The following MYOM2 variants were observed in gnomAD, a reference collection of about 807,000 sequenced individuals.
MYOM2 encodes myomesin-2.
In MYOM2, 254 loss-of-function variants were observed where a neutral mutation model predicts 187.6. The ratio of observed to expected loss-of-function variants is 1.35; its 90% CI spans 1.22 to 1.50. The LOEUF (loss-of-function observed/expected upper bound fraction) is 1.50, where lower values mean the gene tolerates loss of function less well. MYOM2 is among the 40% of genes most tolerant of loss of function. MYOM2 has a pLI of 0.00. For missense variants in MYOM2, 2,796 were observed against 1,924.0 expected (o/e 1.45, Z -8.48); for synonymous variants, 981 against 753.8 (o/e 1.30, Z -4.94).
intron 14 of MYOM2, among the ~76,000 whole-genome samples, chr8:2,086,197 T>C (rs1432387415): frequency 5.9e-5 from 2 of 33,706 alleles, no homozygotes; most frequent in African/African-American, 1.3e-4. Context: ...TCATGATCTC[T>C]GCGTGGCCCC....
intron 1 of MYOM2, among the ~76,000 whole-genome samples, chr8:2,046,116 T>C (rs973956181): frequency 6.6e-6 from 1 of 152,236 alleles, no homozygotes; most frequent in African/African-American, 2.4e-5. Flanking sequence ...CTTTCCCCTC[T>C]AGAAAGCTTT....
rs1286855649 is a variant in MYOM2, at chr8:2,086,413, C to T, written c.1644+1023C>T. On this transcript the variant is annotated intron_variant, in intron 14 of 36. Coordinates refer to ENST00000262113, the MANE Select transcript of MYOM2 (RefSeq NM_003970.4). ...CCCACTGTTGTGATCTCTGCGTGGC[C>T]TCCCACTGTTGTGATCTCTGCGTGG... Among the ~76,000 whole-genome samples the T allele has an allele frequency of 2.2e-3, 198 of 91,120 alleles. 37 individuals are homozygous for T. Among genetic ancestry groups the T allele is most frequent in the African/African-American group, 6.5e-3 (106 of 16,212 alleles). The allele number at this position is 91,120 out of a possible 152,430, so 59.8% of individuals were successfully genotyped here.
chr8:2,074,434 A>G (rs538038084), intron 10 of MYOM2, among the ~76,000 whole-genome samples: 96 of 151,996 alleles, frequency 6.3e-4, no homozygotes, highest in African/African-American at 2.2e-3. Flanking sequence ...GAAGGGGCCC[A>G]CCTACTCCCA....
chr8:2,104,172 G>A (rs2116792995), intron 21 of MYOM2, among the ~76,000 whole-genome samples: 1 of 152,232 alleles, frequency 6.6e-6, no homozygotes, highest in East Asian at 1.9e-4. Flanking sequence ...TAATTTTCTT[G>A]ATTTCAACGA....
At chr8:2,126,317 A>T (rs1366493018) in intron 31 of MYOM2, among the ~76,000 whole-genome samples, 1 of 152,118 alleles carries the variant, frequency 6.6e-6, no homozygotes, top group Non-Finnish European at 1.5e-5. Flanking sequence ...TCTCCCTGAC[A>T]TATCAGAATG....
rs188039061 is a variant in MYOM2, at chr8:2,145,345, G to T, written c.*364G>T. ...GTGAAGCCACCGTGCTTCTCTTTGG[G>T]GGGCCGCGAGATCTAGCATCTCTGA... is the stretch of plus-strand genomic sequence containing the variant. On this transcript the variant is annotated 3_prime_UTR_variant, in exon 37 of 37. Transcript: ENST00000262113. 250 of 325,498 alleles carry T rather than the reference G, an allele frequency of 7.7e-4. 2 individuals are homozygous for T. The highest frequency in any genetic ancestry group is 1.0e-3 in the Non-Finnish European group (187 of 180,666). The allele number at this position is 325,498 out of a possible 1,614,324, so 20.2% of individuals were successfully genotyped here.
intron 8 of MYOM2, among the ~76,000 whole-genome samples, chr8:2,071,031 G>A (rs1001787850): frequency 2.6e-5 from 4 of 152,034 alleles, no homozygotes; most frequent in Non-Finnish European, 5.9e-5. Context: ...GCAGTGGTGC[G>A]ATCTTGGCTC....
chr8:2,052,326 C>A lies in MYOM2; in HGVS notation c.263+13C>A. 1.0e-5 allele frequency: 16 copies of A among 1,587,506 alleles called. No homozygotes were observed. Among genetic ancestry groups the A allele is most frequent in the Non-Finnish European group, 1.4e-5 (16 of 1,165,854 alleles). ...AGAACAGAAGCAGGTGAGCACATGGCTTCCCTGACTCCACTTGTGCCCTGC... is the reference window on the plus strand; with the variant it reads ...AGAACAGAAGCAGGTGAGCACATGGATTCCCTGACTCCACTTGTGCCCTGC... On this transcript the variant is annotated intron_variant, in intron 3 of 36. Transcript: ENST00000262113.
intron 19 of MYOM2, among the ~76,000 whole-genome samples, chr8:2,100,117 C>CTTCCTTCT (rs1585905516): frequency 2.3e-3 from 212 of 90,800 alleles, no homozygotes; most frequent in Admixed American, 5.3e-3. Flanking sequence ...TCTTTCTTTC[C>CTTCCTTCT]TTCCTTCCTT....
At position 2,106,222 on chromosome 8, in the gene MYOM2, T is replaced by C. The variant is rs12677887; in HGVS notation, c.2735-20T>C. ...AACACCGTGTCCCTAAGCCGCTCAC[T>C]TCATACTCTTCTTATGCAGGCACCA... On this transcript the variant is annotated intron_variant, in intron 21 of 36. Coordinates refer to ENST00000262113, the MANE Select transcript of MYOM2 (RefSeq NM_003970.4). The C allele has an allele frequency of 0.38, 613,645 of 1,612,894 alleles. 125,260 individuals are homozygous for C. Among genetic ancestry groups the C allele is most frequent in the African/African-American group, 0.68 (51,322 of 74,928 alleles).
At chr8:2,084,170 C>A (rs1343969019) in intron 13 of MYOM2, among the ~76,000 whole-genome samples, 12 of 152,302 alleles carry the variant, frequency 7.9e-5, no homozygotes, top group African/African-American at 2.9e-4. Context: ...GGACACGGTG[C>A]ACGGGTGGAG....
At chr8:2,109,912 C>A (rs895174950) in intron 25 of MYOM2, among the ~76,000 whole-genome samples, 2 of 152,128 alleles carry the variant, frequency 1.3e-5, no homozygotes, top group Non-Finnish European at 2.9e-5. Context: ...CCTGCATTCT[C>A]CCCCCACTGA....
Position 2,106,349 on chromosome 8 carries a change from G to T in MYOM2, c.2842G>T (p.Glu948Ter), listed in dbSNP as rs757537628. The T allele has an allele frequency of 6.2e-7, 1 of 1,614,142 alleles. No individual in the cohort carries two copies. The highest frequency in any genetic ancestry group is 1.1e-5 in the South Asian group (1 of 91,060). The change falls in exon 22 of 37, where the codon GAG becomes TAG. Residue 948 changes from glutamate (E) to a stop codon, truncating the protein, a stop_gained. Coordinates refer to ENST00000262113, the MANE Select transcript of MYOM2 (RefSeq NM_003970.4). LOFTEE classifies it high-confidence loss of function. ...ASQFTWCKSY[E>*]EISDDERFKI... is the part of the protein sequence containing the mutation. The stretch of plus-strand genomic sequence containing the variant: ...TCAGTTCACCTGGTGTAAATCCTAC[G>T]AGGAGATTTCAGATGATGAGAGGTT...
chr8:2,114,319 T>C (rs987118720), intron 25 of MYOM2, among the ~76,000 whole-genome samples: 5 of 152,168 alleles, frequency 3.3e-5, no homozygotes, highest in African/African-American at 1.2e-4. Context: ...CTAGAAATCA[T>C]GAAGTGATGC....
Position 2,140,785 on chromosome 8 carries a change from T to C in MYOM2, c.3863T>C (p.Leu1288Pro), listed in dbSNP as rs1319345725. The change falls in exon 33 of 37, where the codon CTG becomes CCG. Residue 1288 changes from leucine to proline, a missense_variant. Physicochemically the swap from Leu to Pro is moderately conservative, Grantham distance 98 (BLOSUM62 -3). Transcript: ENST00000262113. ...GGGGGGAGTGAAGAGATGGCTTGGC[T>C]GCAGATATGTGAGCCGACTGAGAAG... is the stretch of plus-strand genomic sequence containing the variant. ...RIGGSEEMAW[L>P]QICEPTEKDK... is the part of the protein sequence containing the mutation. The C allele has an allele frequency of 6.2e-7, 1 of 1,614,166 alleles. No individual in the cohort carries two copies. The highest frequency in any genetic ancestry group is 8.5e-7 in the Non-Finnish European group (1 of 1,179,998).
At chr8:2,135,521 C>T (rs55806773) in intron 32 of MYOM2, among the ~76,000 whole-genome samples, 24,268 of 152,114 alleles carry the variant, frequency 0.16, 2,267 homozygotes, top group Middle Eastern at 0.23. Flanking sequence ...CACCTGCCCC[C>T]GCCCCTTACC....
intron 21 of MYOM2, 23 bp from the exon 22 acceptor site, chr8:2,106,219 C>T (rs946051395): frequency 6.2e-7 from 1 of 1,611,172 alleles, no homozygotes; most frequent in African/African-American, 1.3e-5. Flanking sequence ...CTAAGCCGCT[C>T]ACTTCATACT....
At chr8:2,061,706 G>C (rs1406337939) in intron 6 of MYOM2, among the ~76,000 whole-genome samples, 2 of 152,206 alleles carry the variant, frequency 1.3e-5, no homozygotes, top group African/African-American at 4.8e-5. Context: ...ATTCACTAGA[G>C]TTGGGTGTTG....
chr8:2,085,201 G>C, intron 13 of MYOM2, 62 bp from the exon 14 acceptor site: 2 of 1,581,782 alleles, frequency 1.3e-6, no homozygotes, highest in Non-Finnish European at 1.7e-6. Context: ...AGTGCCCCGA[G>C]GTGGGCTGCA....
Sources: allele counts gnomAD v4.1 joint callset (sites outside exome capture counted in the v4.1 genomes callset), GRCh38; gene constraint gnomAD v4.1.1; transcripts MANE v1.5; gene names NCBI Gene and HGNC (gene_info 2026-07-23, HGNC 2026-07-21).